The following IQSEC1 variants were observed in gnomAD, a reference collection of about 807,000 sequenced individuals.
IQSEC1 encodes the protein IQ motif and SEC7 domain-containing protein 1.
A neutral mutation model predicts 91.0 loss-of-function variants in IQSEC1; 31 were observed. The observed-to-expected ratio is 0.34, with a 90% CI of 0.26 to 0.46. The LOEUF (loss-of-function observed/expected upper bound fraction) is 0.46. Among genes scored for constraint, IQSEC1 ranks in the 20% least tolerant of loss-of-function variants. The pLI is 1.00. For synonymous variants in IQSEC1, 699 were observed against 662.6 expected, an observed-to-expected ratio of 1.05 and a Z score of -0.84; for missense variants, 1,388 against 1,575.6, an observed-to-expected ratio of 0.88 and a Z score of 2.02.
At chr3:13,063,736 T>C (rs543812546) in intron 1 of IQSEC1, among the ~76,000 whole-genome samples, 2 of 152,304 alleles carry the variant, frequency 1.3e-5, no homozygotes, top group African/African-American at 4.8e-5. Context: ...TTGTGTTTCC[T>C]TTCTGGGGTG....
At chr3:12,984,257 G>A (rs1701613365) in intron 1 of IQSEC1, among the ~76,000 whole-genome samples, 2 of 152,196 alleles carry the variant, frequency 1.3e-5, no homozygotes, top group Non-Finnish European at 2.9e-5. Flanking sequence ...GAGCACAGGA[G>A]GACCACGGGG....
intron 1 of IQSEC1, among the ~76,000 whole-genome samples, chr3:12,947,870 A>C (rs1699285477): frequency 6.6e-6 from 1 of 152,186 alleles, no homozygotes; most frequent in Non-Finnish European, 1.5e-5. Context: ...CCTGTGATGG[A>C]AGTGGTATGT....
chr3:12,995,552 G>A (rs1181059438), intron 1 of IQSEC1, among the ~76,000 whole-genome samples: 1 of 152,246 alleles, frequency 6.6e-6, no homozygotes, highest in Non-Finnish European at 1.5e-5. Flanking sequence ...CATTCACACA[G>A]CAGCTAAGGG....
rs530251335 is a variant in IQSEC1 at position 13,197,838 on chromosome 3, G to A, written c.273-33705C>T. On this transcript the variant is annotated intron_variant, in intron 1 of 15. Transcript: ENST00000648114. ...AGGCTTTAGTACAGGCTGGACATGA[G>A]CTAGGTGGGAGCGAGTCCCCCAGCC... Among the ~76,000 whole-genome samples the A allele has an allele frequency of 1.6e-3, 250 of 152,382 alleles. 1 individual carries two copies. The highest frequency in any genetic ancestry group is 5.8e-3 in the African/African-American group (241 of 41,584).
intron 1 of IQSEC1, among the ~76,000 whole-genome samples, chr3:13,026,148 C>A (rs983952472): frequency 6.6e-6 from 1 of 152,236 alleles, no homozygotes; most frequent in Middle Eastern, 3.2e-3. Flanking sequence ...TGCCTCAGCT[C>A]TGTCCTCGCT....
intron 1 of IQSEC1, among the ~76,000 whole-genome samples, chr3:12,942,853 G>A (rs1698880934): frequency 6.6e-6 from 1 of 152,196 alleles, no homozygotes; most frequent in Non-Finnish European, 1.5e-5. Context: ...CGCGCACAGA[G>A]GGAGCAGCAT....
chr3:13,110,316 C>T (rs1019508433), intron 2 of IQSEC1, among the ~76,000 whole-genome samples: 4 of 151,950 alleles, frequency 2.6e-5, no homozygotes, highest in African/African-American at 4.8e-5. Flanking sequence ...CCCGGCCGGG[C>T]GCGGTGGCTC....
chr3:13,191,500 TTTTTTTTTG>T (rs1434016831), intron 1 of IQSEC1, among the ~76,000 whole-genome samples: 1,729 of 143,926 alleles, frequency 0.012, 4 homozygotes, highest in African/African-American at 0.042. Flanking sequence ...TTTTTTTTTT[TTTTTTTTTG>T]TATTTTTAGT....
intron 6 of IQSEC1, among the ~76,000 whole-genome samples, chr3:12,917,497 C>A (rs1023998184): frequency 6.6e-6 from 1 of 152,212 alleles, no homozygotes; most frequent in African/African-American, 2.4e-5. Flanking sequence ...TCACATAGCA[C>A]GCAGCCTGTT....
At chr3:13,235,005 C>T (rs574308550) in intron 1 of IQSEC1, among the ~76,000 whole-genome samples, 90 of 152,188 alleles carry the variant, frequency 5.9e-4, no homozygotes, top group Non-Finnish European at 1.0e-3. Context: ...TGTGTGGAGC[C>T]GGGGCATGGG....
rs190776888 is a variant in IQSEC1 at position 12,981,641 on chromosome 3, T to C, written c.24-39776A>G. Among the ~76,000 whole-genome samples the C allele has an allele frequency of 1.4e-3, 207 of 152,314 alleles. 1 individual carries two copies. Among genetic ancestry groups the C allele is most frequent in the South Asian group, 1.5e-3 (7 of 4,824 alleles). ...GACAAAGCTAGATAAAAAATTACCA[T>C]TAAAATTATTCTTTATCATAAAGAA... On this transcript the variant is annotated intron_variant, in intron 1 of 13. Coordinates refer to ENST00000613206, the MANE Select transcript of IQSEC1 (RefSeq NM_001134382.3).
In IQSEC1 at chr3:13,121,006, C is replaced by A. The variant is rs868394274; in HGVS notation, c.302+43098G>T. Among the ~76,000 whole-genome samples, 23 of 152,326 alleles carry A rather than the reference C, an allele frequency of 1.5e-4. 1 individual carries two copies. In the Middle Eastern group the frequency reaches 0.024, roughly 158 times the overall value. Reference sequence around the variant, plus strand: ...TTTAAATGTCACCTCCTGACTATTGCCCCAGCAGCACCCTGCAACCCCTTG... The same window carrying A: ...TTTAAATGTCACCTCCTGACTATTGACCCAGCAGCACCCTGCAACCCCTTG... On this transcript the variant is annotated intron_variant, in intron 2 of 15. Coordinates refer to the IQSEC1 transcript ENST00000648114.
At chr3:13,124,741 T>C (rs1270544270) in intron 2 of IQSEC1, among the ~76,000 whole-genome samples, 1 of 150,240 alleles carries the variant, frequency 6.7e-6, no homozygotes, top group East Asian at 2.0e-4. Flanking sequence ...AGACCAGCGA[T>C]GCTCTTGGGC....
intron 1 of IQSEC1, among the ~76,000 whole-genome samples, chr3:12,984,161 C>T (rs1057067762): frequency 3.3e-5 from 5 of 152,300 alleles, no homozygotes; most frequent in Admixed American, 2.6e-4. Flanking sequence ...TAACTCAAGC[C>T]GCTCCCATGG....
chr3:13,216,705 AG>A, intron 1 of IQSEC1, among the ~76,000 whole-genome samples: 1 of 152,368 alleles, frequency 6.6e-6, no homozygotes, highest in Non-Finnish European at 1.5e-5. Flanking sequence ...GCATCCCTCC[AG>A]GGCACAGAGT....
Position 12,935,807 on chromosome 3 carries a change from A to G in IQSEC1, c.1209T>C (p.Ser403=), listed in dbSNP as rs1698122723. ...YERSLGGQQG[S]PKHGPHSGAP... ...CGCCGCTGTGGGGACCATGCTTGGG[A>G]CTGCCCTGCTGCCCGCCAAGGCTGC... The change falls in exon 3 of 14, where the codon AGT becomes AGC. Residue 403 remains serine, a synonymous_variant. Transcript: ENST00000613206. This position sits in a 1 kb window ranked among gnomAD's most constrained non-coding sequence, Gnocchi z 8.0. 1 of 1,607,430 alleles carries G rather than the reference A, an allele frequency of 6.2e-7. No homozygotes were observed. Among genetic ancestry groups the G allele is most frequent in the Non-Finnish European group, 8.5e-7 (1 of 1,179,690 alleles).
chr3:12,985,545 C>T (rs1041808982), intron 1 of IQSEC1, among the ~76,000 whole-genome samples: 1 of 152,038 alleles, frequency 6.6e-6, no homozygotes, highest in Non-Finnish European at 1.5e-5. Flanking sequence ...TTCCTTAAGT[C>T]CTGCTGACAA....
chr3:13,213,074 C>A (rs1694476400), intron 1 of IQSEC1, among the ~76,000 whole-genome samples: 1 of 152,170 alleles, frequency 6.6e-6, no homozygotes, highest in African/African-American at 2.4e-5. Context: ...AATTTATCTA[C>A]TTCTTTTGTT....
chr3:13,050,579 A>C (rs1704658503), intron 1 of IQSEC1, among the ~76,000 whole-genome samples: 1 of 152,270 alleles, frequency 6.6e-6, no homozygotes, highest in African/African-American at 2.4e-5. Context: ...AAAGGTTAAC[A>C]CATGAGTTCT....
Sources: gnomAD v4.1 joint callset for allele counts (sites outside exome capture counted in the v4.1 genomes callset) on GRCh38, gnomAD v4.1.1 for gene constraint, Gnocchi (gnomAD v3.1) non-coding constraint, MANE v1.5 for transcripts, NCBI Gene and HGNC (gene_info 2026-07-23, HGNC 2026-07-21) for gene names.